The following RGS17 variants were observed in gnomAD, a reference collection of about 807,000 sequenced individuals.
RGS17 encodes regulator of G-protein signaling 17.
In RGS17, 12 loss-of-function variants were observed where a neutral mutation model predicts 25.5. The ratio of observed to expected loss-of-function variants is 0.47; its 90% confidence interval spans 0.30 to 0.76. The LOEUF is 0.76. Among genes scored for constraint, RGS17 ranks in the 30% least tolerant of loss-of-function variants. RGS17 has a pLI of 0.07. For missense variants in RGS17, 196 were observed against 242.2 expected (o/e 0.81, Z 1.27); for synonymous variants, 71 against 76.9 (o/e 0.92, Z 0.40).
At chr6:153,104,370 C>T (rs1207974078) in intron 1 of RGS17, among the ~76,000 whole-genome samples, 2 of 152,176 alleles carry the variant, frequency 1.3e-5, no homozygotes, top group East Asian at 3.8e-4. Flanking sequence ...AATTGAATGA[C>T]TCACTCAAGG....
At chr6:153,043,703 T>C (rs1478916883) in intron 2 of RGS17, among the ~76,000 whole-genome samples, 197 bp downstream of exon 2, 1 of 152,102 alleles carries the variant, frequency 6.6e-6, no homozygotes, top group Admixed American at 6.6e-5. Context: ...TAAATGTAGA[T>C]TTTGGGGAAA....
intron 2 of RGS17, among the ~76,000 whole-genome samples, chr6:153,038,530 G>C (rs2129109394): frequency 6.6e-6 from 1 of 152,284 alleles, no homozygotes; most frequent in Non-Finnish European, 1.5e-5. Flanking sequence ...TGTGCAGTGT[G>C]AGTTATTCTG....
intron 4 of RGS17, among the ~76,000 whole-genome samples, chr6:153,017,972 T>C (rs1283983928): frequency 1.3e-5 from 2 of 152,260 alleles, no homozygotes. Flanking sequence ...CTATCAATTT[T>C]CATTTTTACT....
In RGS17 at chr6:153,011,556, AT is replaced by A; in HGVS notation, c.*17del. 6.5e-7 allele frequency: 1 copy of A among 1,550,344 alleles called. No homozygotes were observed. The highest frequency in any genetic ancestry group is 8.8e-7 in the Non-Finnish European group (1 of 1,132,006). On this transcript the variant is annotated 3_prime_UTR_variant, in exon 5 of 5. Transcript: ENST00000206262. Reference sequence around the variant, plus strand: ...TTTCCCATCTCAGCCCTCCAAAATGATTGTTTTTAAATGAACATTAAGATTC... The same window carrying A: ...TTTCCCATCTCAGCCCTCCAAAATGATGTTTTTAAATGAACATTAAGATTC...
Position 153,006,330 on chromosome 6 carries a change from GT to G in RGS17, c.*5243del, listed in dbSNP as rs1779073671. 1 of 152,262 alleles carries G rather than the reference GT, an allele frequency of 6.6e-6. No homozygotes were observed. The highest frequency in any genetic ancestry group is 6.6e-5 in the Admixed American group (1 of 15,246). The allele number at this position is 152,262 out of a possible 1,614,324, so 9.4% of individuals were successfully genotyped here. A position where few individuals can be genotyped will look rare whatever the true frequency, so the allele number is the denominator to read the frequency against. On this transcript the variant is annotated 3_prime_UTR_variant, in exon 5 of 5. Transcript: ENST00000206262. ...TATTATTTCTGTCCTTGGGAATGTTGTTTTATTTCCTTTGGAAATAAAACTT... is the reference window on the plus strand; with the variant it reads ...TATTATTTCTGTCCTTGGGAATGTTGTTTATTTCCTTTGGAAATAAAACTT...
intron 1 of RGS17, among the ~76,000 whole-genome samples, chr6:153,128,412 C>T (rs144877091): frequency 6.6e-6 from 1 of 152,234 alleles, no homozygotes; most frequent in Non-Finnish European, 1.5e-5. Flanking sequence ...GACTCCCAGC[C>T]CTCTTGGCAT....
intron 1 of RGS17, among the ~76,000 whole-genome samples, chr6:153,099,860 C>T (rs1291298249): frequency 6.6e-6 from 1 of 152,172 alleles, no homozygotes; most frequent in East Asian, 1.9e-4. Context: ...ATCACAGCAC[C>T]TGGCACCCAG....
chr6:153,114,566 C>T (rs1777517786), intron 1 of RGS17, among the ~76,000 whole-genome samples: 1 of 152,204 alleles, frequency 6.6e-6, no homozygotes, highest in South Asian at 2.1e-4. Flanking sequence ...AAGGAATCTT[C>T]CCTAACTCAT....
At chr6:153,128,392 T>C (rs1053570653) in intron 1 of RGS17, among the ~76,000 whole-genome samples, 17 of 152,244 alleles carry the variant, frequency 1.1e-4, no homozygotes, top group Non-Finnish European at 2.4e-4. Flanking sequence ...AGCAGAAATG[T>C]GGTTGAATGG....
At position 153,026,443 on chromosome 6, in the gene RGS17, C is replaced by T. The variant is rs915747562; in HGVS notation, c.209+11G>A. On this transcript the variant is annotated intron_variant, in intron 3 of 4. Transcript: ENST00000206262. ...TGCAAGAAACAATAGCTATGTGGTT[C>T]TCACACTCACCATTCCTCTAGGACC... 2 of 1,597,772 alleles carry T rather than the reference C, an allele frequency of 1.3e-6. No individual in the cohort carries two copies. The highest frequency in any genetic ancestry group is 1.7e-6 in the Non-Finnish European group (2 of 1,166,298).
intron 1 of RGS17, among the ~76,000 whole-genome samples, chr6:153,121,560 T>TC (rs887615579): frequency 4.7e-4 from 71 of 152,246 alleles, no homozygotes; most frequent in African/African-American, 1.5e-3. Flanking sequence ...CACTTGTTAC[T>TC]CCCCCAAAGT....
At chr6:153,091,346 C>G (rs1314718371) in intron 1 of RGS17, among the ~76,000 whole-genome samples, 2 of 152,132 alleles carry the variant, frequency 1.3e-5, no homozygotes, top group East Asian at 1.9e-4. Flanking sequence ...AGAACCATCT[C>G]AAATGATTTT....
chr6:153,130,467 T>TATAC lies in RGS17; in HGVS notation c.-26+653_-26+656dup, dbSNP rs983177860. ...GGAACAAAAGAGACCCCCCACCCCCTATACATACATACACATACACACACA... is the reference window on the plus strand; with the variant it reads ...GGAACAAAAGAGACCCCCCACCCCCTATACATACATACATACACATACACACACA... On this transcript the variant is annotated intron_variant, in intron 1 of 4. Coordinates refer to ENST00000206262, the MANE Select transcript of RGS17 (RefSeq NM_012419.5). The surrounding 1 kb of genome is among the most constrained non-coding windows in gnomAD (Gnocchi z 6.4). 5.1e-5 allele frequency among the ~76,000 whole-genome samples: 7 copies of TATAC among 137,822 alleles called. No homozygotes were observed. Among genetic ancestry groups the TATAC allele is most frequent in the Non-Finnish European group, 3.1e-5 (2 of 64,664 alleles). The allele number at this position is 137,822 out of a possible 152,430, so 90.4% of individuals were successfully genotyped here.
chr6:153,011,720 G>T lies in RGS17; in HGVS notation c.487C>A (p.Leu163Met). Residue 163 changes from leucine to methionine, a missense_variant, in exon 5 of 5, where the codon CTG (leucine) becomes ATG (methionine). By Grantham distance (15) the Leu-to-Met change is conservative. Transcript: ENST00000206262. Reference protein sequence around the residue: ...SRVREVINRNLLDPNPHMYED... With the variant: ...SRVREVINRNMLDPNPHMYED... The stretch of plus-strand genomic sequence containing the variant: ...TACATGTGAGGATTGGGATCCAACA[G>T]ATTTCTATTGATCACCTCTCTAACT... 1 of 1,612,820 alleles carries T rather than the reference G, an allele frequency of 6.2e-7. No individual in the cohort carries two copies. The highest frequency in any genetic ancestry group is 1.1e-5 in the South Asian group (1 of 90,840).
chr6:153,059,405 A>C (rs560348490), intron 1 of RGS17, among the ~76,000 whole-genome samples: 1 of 152,230 alleles, frequency 6.6e-6, no homozygotes, highest in African/African-American at 2.4e-5. Context: ...TTTCACTCTT[A>C]TTATTCTGCA....
intron 1 of RGS17, among the ~76,000 whole-genome samples, chr6:153,060,917 G>A (rs1198610367): frequency 6.6e-6 from 1 of 152,124 alleles, no homozygotes; most frequent in Non-Finnish European, 1.5e-5. Context: ...CATGTGATAA[G>A]AAGCATCATG....
intron 1 of RGS17, among the ~76,000 whole-genome samples, chr6:153,074,780 A>G (rs1202132324): frequency 1.3e-5 from 2 of 152,238 alleles, no homozygotes; most frequent in African/African-American, 4.8e-5. Flanking sequence ...GGTATATACA[A>G]CAGTCCATGG....
In RGS17 at chr6:153,011,774, C is replaced by A; in HGVS notation, c.445-12G>T. On this transcript the variant is annotated splice_polypyrimidine_tract_variant and intron_variant, in intron 4 of 4. Coordinates refer to ENST00000206262, the MANE Select transcript of RGS17 (RefSeq NM_012419.5). Reference sequence around the variant, plus strand: ...GAATCAAGACTGACCTAAAAAGAAACAAGAGCAAATACATTAAATAATATT... The same window carrying A: ...GAATCAAGACTGACCTAAAAAGAAAAAAGAGCAAATACATTAAATAATATT... 6.4e-7 allele frequency: 1 copy of A among 1,557,632 alleles called. No individual in the cohort carries two copies. The highest frequency in any genetic ancestry group is 8.6e-7 in the Non-Finnish European group (1 of 1,158,394).
At chr6:153,089,787 C>T (rs763414734) in intron 1 of RGS17, among the ~76,000 whole-genome samples, 8 of 152,108 alleles carry the variant, frequency 5.3e-5, no homozygotes, top group Non-Finnish European at 8.8e-5. Context: ...AACACCTATA[C>T]CTGTATATGT....
Sources: allele counts gnomAD v4.1 joint callset (sites outside exome capture counted in the v4.1 genomes callset), GRCh38; gene constraint gnomAD v4.1.1; non-coding constraint Gnocchi (gnomAD v3.1); transcripts MANE v1.5; gene names NCBI Gene and HGNC (gene_info 2026-07-23, HGNC 2026-07-21).